The following USPL1 variants were observed in gnomAD, a reference collection of about 807,000 sequenced individuals.
The protein encoded by USPL1 is SUMO-specific isopeptidase USPL1.
A neutral mutation model predicts 51.5 loss-of-function variants in USPL1; 27 were observed. The ratio of observed to expected loss-of-function variants is 0.52; its 90% CI spans 0.39 to 0.72. The LOEUF (loss-of-function observed/expected upper bound fraction) is 0.72. Among genes scored for constraint, USPL1 ranks in the 30% least tolerant of loss-of-function variants. The pLI is 0.00. For missense variants in USPL1, 1,226 were observed against 1,268.0 expected (o/e 0.97, Z 0.50); for synonymous variants, 451 against 459.6 (o/e 0.98, Z 0.24).
chr13:30,641,376 G>C (rs933752772), intron 5 of USPL1, among the ~76,000 whole-genome samples: 8 of 151,938 alleles, frequency 5.3e-5, no homozygotes, highest in African/African-American at 1.7e-4. Flanking sequence ...CTCTGTCCAG[G>C]GTAGGGGAAG....
At position 30,642,696 on chromosome 13, in the gene USPL1, T is replaced by G; in HGVS notation, c.1051T>G (p.Phe351Val). ...LKLETHIEKL[F>V]LYSFSWDFEC... ...ACTAGAAACCCACATTGAAAAGCTCTTCCTATATTCTTTTTCTTGGGACTT... is the reference window on the plus strand; with the variant it reads ...ACTAGAAACCCACATTGAAAAGCTCGTCCTATATTCTTTTTCTTGGGACTT... Residue 351 changes from phenylalanine to valine, a missense_variant, in exon 6 of 9, where the codon TTC becomes GTC. Phe to Val is a conservative substitution (Grantham distance 50). Coordinates refer to ENST00000255304, the MANE Select transcript of USPL1 (RefSeq NM_005800.5). 2 of 1,613,798 alleles carry G rather than the reference T, an allele frequency of 1.2e-6. No individual in the cohort carries two copies. Among genetic ancestry groups the G allele is most frequent in the Non-Finnish European group, 1.7e-6 (2 of 1,179,774 alleles).
chr13:30,647,148 C>G, intron 7 of USPL1, 91 bp downstream of exon 7: 1 of 1,348,688 alleles, frequency 7.4e-7, no homozygotes. Context: ...GTGACAACAA[C>G]TTACCTTTCT....
chr13:30,642,811 G>A (rs1179788890), intron 6 of USPL1, 54 bp downstream of exon 6: 3 of 1,575,566 alleles, frequency 1.9e-6, no homozygotes, highest in Non-Finnish European at 2.6e-6. Context: ...CACCACTAAG[G>A]TTAAGAGAAC....
intron 4 of USPL1, 57 bp downstream of exon 4, chr13:30,631,531 C>T: frequency 6.8e-7 from 1 of 1,479,284 alleles, no homozygotes. Context: ...GTCAGGGTCT[C>T]ATTCTGTCAC....
At chr13:30,618,749 C>T (rs1040709443) in intron 1 of USPL1, among the ~76,000 whole-genome samples, 1 of 152,012 alleles carries the variant, frequency 6.6e-6, no homozygotes, top group Non-Finnish European at 1.5e-5. Flanking sequence ...AAGAAAGATG[C>T]TGGGGGTGAA....
At chr13:30,647,201 G>T in intron 7 of USPL1, 144 bp downstream of exon 7, 1 of 946,556 alleles carries the variant, frequency 1.1e-6, no homozygotes, top group Non-Finnish European at 1.6e-6. Context: ...CAGCTGCCTC[G>T]CTCTATCTGG....
chr13:30,657,277 TC>T (rs1951176526), intron 8 of USPL1, among the ~76,000 whole-genome samples, 196 bp from the exon 9 acceptor site: 1 of 152,194 alleles, frequency 6.6e-6, no homozygotes. Flanking sequence ...ATAACCAAAT[TC>T]TAAGTTCCAA....
chr13:30,628,436 C>T (rs1223173319), intron 3 of USPL1, among the ~76,000 whole-genome samples: 1 of 152,070 alleles, frequency 6.6e-6, no homozygotes, highest in African/African-American at 2.4e-5. Flanking sequence ...ATGTGCAGAA[C>T]GTGCAGGCTT....
At chr13:30,623,919 C>G (rs1950677045) in intron 3 of USPL1, among the ~76,000 whole-genome samples, 1 of 152,200 alleles carries the variant, frequency 6.6e-6, no homozygotes, top group South Asian at 2.1e-4. Flanking sequence ...ATTTCTTCAT[C>G]TATACCCTTT....
chr13:30,648,083 T>A (rs748822109), intron 7 of USPL1, among the ~76,000 whole-genome samples: 1 of 152,216 alleles, frequency 6.6e-6, no homozygotes, highest in African/African-American at 2.4e-5. Context: ...CCCTGTCCTT[T>A]CAATGCAATT....
intron 8 of USPL1, among the ~76,000 whole-genome samples, chr13:30,654,406 C>CT (rs374088829): frequency 0.044 from 6,499 of 148,504 alleles, 183 homozygotes; most frequent in Non-Finnish European, 0.064. Flanking sequence ...CTCTCTCTCT[C>CT]TTTTTTTTTT....
At chr13:30,647,495 A>G (rs1352201671) in intron 7 of USPL1, among the ~76,000 whole-genome samples, 3 of 152,256 alleles carry the variant, frequency 2.0e-5, no homozygotes, top group African/African-American at 7.2e-5. Flanking sequence ...CATCATCTTG[A>G]AAGCTATCTA....
intron 1 of USPL1, 61 bp from the exon 2 acceptor site, chr13:30,621,012 T>A: frequency 1.4e-6 from 1 of 704,098 alleles, no homozygotes; most frequent in Non-Finnish European, 2.3e-6. Context: ...TAAAATAGCA[T>A]GGTTCTTTTT....
chr13:30,647,586 C>G (rs1031830961), intron 7 of USPL1, among the ~76,000 whole-genome samples: 1 of 152,130 alleles, frequency 6.6e-6, no homozygotes, highest in Non-Finnish European at 1.5e-5. Context: ...GTCAGCATTA[C>G]CTTTTCCAGT....
At chr13:30,655,848 AC>A (rs1951156103) in intron 8 of USPL1, among the ~76,000 whole-genome samples, 1 of 152,246 alleles carries the variant, frequency 6.6e-6, no homozygotes, top group Non-Finnish European at 1.5e-5. Context: ...ATGGTGTTTG[AC>A]ATCGTGATTT....
At chr13:30,624,539 A>G (rs1327024020) in intron 3 of USPL1, among the ~76,000 whole-genome samples, 1 of 152,190 alleles carries the variant, frequency 6.6e-6, no homozygotes, top group African/African-American at 2.4e-5. Context: ...GCACGGCACC[A>G]TGCCCAGGAG....
intron 3 of USPL1, among the ~76,000 whole-genome samples, chr13:30,625,447 T>G (rs1950701109): frequency 3.5e-5 from 5 of 144,034 alleles, no homozygotes; most frequent in African/African-American, 7.9e-5. Context: ...GTTTTTTGTT[T>G]TTTTTTTTTT....
intron 5 of USPL1, among the ~76,000 whole-genome samples, chr13:30,642,287 G>C (rs989051806): frequency 1.7e-4 from 19 of 109,010 alleles, no homozygotes; most frequent in Non-Finnish European, 3.1e-4. Flanking sequence ...ATACTCTAAG[G>C]CTTATCATAG....
chr13:30,640,291 A>C (rs1291070022), intron 5 of USPL1, among the ~76,000 whole-genome samples: 3 of 152,204 alleles, frequency 2.0e-5, no homozygotes, highest in African/African-American at 7.2e-5. Flanking sequence ...GCTGATAATG[A>C]ATTACAAAAT....
Sources: gnomAD v4.1 joint callset for allele counts (sites outside exome capture counted in the v4.1 genomes callset) on GRCh38, gnomAD v4.1.1 for gene constraint, MANE v1.5 for transcripts, NCBI Gene and HGNC (gene_info 2026-07-23, HGNC 2026-07-21) for gene names.